Variants in SYCP1 observed in about 807,000 individuals in gnomAD.
The protein encoded by SYCP1 is cancer/testis antigen 8.
In SYCP1, 64 loss-of-function variants were observed where a neutral mutation model predicts 153.1. That is an observed-to-expected ratio of 0.42 (90% CI 0.34 to 0.51). The LOEUF is 0.51. Among genes scored for constraint, SYCP1 ranks in the 20% least tolerant of loss-of-function variants. The pLI is 0.06. For missense variants in SYCP1, 997 were observed against 1,049.0 expected (o/e 0.95, Z 0.68); for synonymous variants, 384 against 341.8 (o/e 1.12, Z -1.36).
intron 20 of SYCP1, among the ~76,000 whole-genome samples, chr1:114,920,453 G>A (rs1044750238): frequency 3.3e-5 from 5 of 152,040 alleles, no homozygotes; most frequent in African/African-American, 1.2e-4. Flanking sequence ...TGTTTATTCT[G>A]CAATTGTTGG....
In SYCP1 at chr1:114,965,684, C is replaced by T. The variant is rs141254431; in HGVS notation, c.2323-11873C>T. Among the ~76,000 whole-genome samples the T allele has an allele frequency of 3.3e-3, 509 of 152,230 alleles. 5 individuals carry two copies. Among genetic ancestry groups the T allele is most frequent in the African/African-American group, 0.012 (492 of 41,518 alleles). On this transcript the variant is annotated intron_variant, in intron 27 of 31. Coordinates refer to ENST00000369522, the MANE Select transcript of SYCP1 (RefSeq NM_003176.4). ...TATTGATTTGCATATGTTGAACCAGCGTTGCATCCCAGGAATTGATCGCGG... is the reference window on the plus strand; with the variant it reads ...TATTGATTTGCATATGTTGAACCAGTGTTGCATCCCAGGAATTGATCGCGG...
chr1:114,950,359 A>G (rs919827829), intron 27 of SYCP1, among the ~76,000 whole-genome samples: 3 of 152,204 alleles, frequency 2.0e-5, no homozygotes, highest in African/African-American at 7.2e-5. Flanking sequence ...GGTTGTTACT[A>G]CAGTGTAATT....
At chr1:114,954,667 A>G (rs1366463327) in intron 27 of SYCP1, among the ~76,000 whole-genome samples, 2 of 151,738 alleles carry the variant, frequency 1.3e-5, no homozygotes, top group African/African-American at 2.4e-5. Flanking sequence ...TGCAACCTCC[A>G]CCATCTGGGT....
intron 30 of SYCP1, among the ~76,000 whole-genome samples, chr1:114,990,087 C>A (rs1277237761): frequency 6.6e-6 from 1 of 151,904 alleles, no homozygotes; most frequent in South Asian, 2.1e-4. Flanking sequence ...CAGGATAGAT[C>A]ATATGTTAGG....
chr1:114,878,055 A>T, intron 11 of SYCP1, 39 bp from the exon 12 acceptor site: 1 of 1,175,754 alleles, frequency 8.5e-7, no homozygotes, highest in Non-Finnish European at 1.2e-6. Context: ...TGTCATATTT[A>T]AATTTTCATA....
chr1:114,881,912 G>A (rs980172466), intron 12 of SYCP1, among the ~76,000 whole-genome samples: 1 of 151,994 alleles, frequency 6.6e-6, no homozygotes, highest in South Asian at 2.1e-4. Context: ...TAACTCATAC[G>A]CTTAGTTTTG....
chr1:114,862,975 T>C (rs1322554291), intron 8 of SYCP1: 1 of 152,218 alleles, frequency 6.6e-6, no homozygotes, highest in African/African-American at 2.4e-5. Flanking sequence ...AAGTCTCTAC[T>C]CTTACAAGAG....
At chr1:114,955,018 A>G (rs1030417790) in intron 27 of SYCP1, among the ~76,000 whole-genome samples, 1 of 152,244 alleles carries the variant, frequency 6.6e-6, no homozygotes. Flanking sequence ...TTAACCAATA[A>G]GTATGATGTT....
chr1:114,861,398 T>A (rs1664365781), intron 8 of SYCP1, among the ~76,000 whole-genome samples: 1 of 152,208 alleles, frequency 6.6e-6, no homozygotes, highest in African/African-American at 2.4e-5. Context: ...TATAATTCTT[T>A]ATTTTTGCCA....
intron 27 of SYCP1, among the ~76,000 whole-genome samples, chr1:114,975,241 CTCT>C (rs1372534357): frequency 6.7e-6 from 1 of 149,436 alleles, no homozygotes; most frequent in Non-Finnish European, 1.5e-5. Context: ...TGGATATTAA[CTCT>C]TCATTGATTA....
chr1:114,916,016 C>G (rs1668486660), intron 20 of SYCP1, among the ~76,000 whole-genome samples: 1 of 152,136 alleles, frequency 6.6e-6, no homozygotes, highest in Non-Finnish European at 1.5e-5. Flanking sequence ...TGGCAGGAAC[C>G]ATGTTCAGCC....
intron 8 of SYCP1, among the ~76,000 whole-genome samples, chr1:114,869,604 T>A (rs750144546): frequency 2.0e-5 from 3 of 152,140 alleles, no homozygotes; most frequent in Non-Finnish European, 4.4e-5. Context: ...ATCCCAAATC[T>A]AAAATACTCC....
At chr1:114,942,230 CAGTG>C (rs1238899526) in intron 23 of SYCP1, among the ~76,000 whole-genome samples, 1 of 151,882 alleles carries the variant, frequency 6.6e-6, no homozygotes, top group Non-Finnish European at 1.5e-5. Flanking sequence ...AGTCAGAAAA[CAGTG>C]AGAAAGTATT....
chr1:114,859,366 C>T (rs1411906360), intron 6 of SYCP1, among the ~76,000 whole-genome samples: 5 of 152,218 alleles, frequency 3.3e-5, no homozygotes, highest in Admixed American at 6.5e-5. Context: ...GGATTACAGG[C>T]GTGAGCCACT....
chr1:114,966,361 C>A (rs1267919360), intron 27 of SYCP1, among the ~76,000 whole-genome samples: 2 of 152,076 alleles, frequency 1.3e-5, no homozygotes, highest in South Asian at 4.2e-4. Context: ...CTGCTCTGAT[C>A]TTAATTATTT....
intron 23 of SYCP1, among the ~76,000 whole-genome samples, chr1:114,930,573 C>A (rs1408137422): frequency 1.3e-5 from 2 of 151,714 alleles, no homozygotes; most frequent in East Asian, 3.9e-4. Context: ...ATAAAATGGG[C>A]AAATTTCTTA....
chr1:114,972,834 CTGAT>C (rs1326134488), intron 27 of SYCP1, among the ~76,000 whole-genome samples: 1 of 152,098 alleles, frequency 6.6e-6, no homozygotes, highest in Non-Finnish European at 1.5e-5. Context: ...GTCCTTAAGA[CTGAT>C]TCATGTGCTT....
intron 16 of SYCP1, 100 bp from the exon 17 acceptor site, chr1:114,910,297 G>A: frequency 1.4e-6 from 1 of 716,096 alleles, no homozygotes; most frequent in Non-Finnish European, 2.3e-6. Context: ...TTTAGCCAGG[G>A]GGAAGCTCAT....
chr1:114,982,932 G>T (rs1020614069), intron 29 of SYCP1, among the ~76,000 whole-genome samples: 1 of 152,006 alleles, frequency 6.6e-6, no homozygotes, highest in Non-Finnish European at 1.5e-5. Context: ...ATTCTGTAAA[G>T]TTTGTATTTT....
Sources: gnomAD v4.1 joint callset for allele counts (sites outside exome capture counted in the v4.1 genomes callset) on GRCh38, gnomAD v4.1.1 for gene constraint, MANE v1.5 for transcripts, NCBI Gene and HGNC (gene_info 2026-07-23, HGNC 2026-07-21) for gene names.